AP1S3: variants seen among roughly 807,000 people sequenced by gnomAD.
AP1S3 encodes the protein AP-1 complex subunit sigma-3.
Under a neutral mutation model 20.9 loss-of-function variants are expected in AP1S3, and 10 were observed. The observed-to-expected ratio is 0.48, with a 90% CI of 0.29 to 0.81. The LOEUF (loss-of-function observed/expected upper bound fraction) is 0.81, where lower values mean the gene tolerates loss of function less well. Among genes scored for constraint, AP1S3 ranks in the 30% least tolerant of loss-of-function variants. The pLI is 0.08. For missense variants in AP1S3, 154 were observed against 183.8 expected (o/e 0.84, Z 0.94); for synonymous variants, 41 against 61.5 (o/e 0.67, Z 1.56).
chr2:223,772,008 G>A (rs1329947963), intron 3 of AP1S3, among the ~76,000 whole-genome samples: 1 of 152,206 alleles, frequency 6.6e-6, no homozygotes, highest in African/African-American at 2.4e-5. Context: ...TAGGGAGGCT[G>A]AGGTAGGAGA....
chr2:223,828,058 T>TAAAAAAAAAAAAAAAAAAAAAA (rs527671959), intron 1 of AP1S3, among the ~76,000 whole-genome samples: 7 of 94,666 alleles, frequency 7.4e-5, no homozygotes, highest in South Asian at 3.3e-4. Context: ...AGACTTCATC[T>TAAAAAAAAAAAAAAAAAAAAAA]AAAAAAAAAA....
At chr2:223,764,704 C>T (rs1467341752) in intron 4 of AP1S3, among the ~76,000 whole-genome samples, 1 of 152,176 alleles carries the variant, frequency 6.6e-6, no homozygotes, top group African/African-American at 2.4e-5. Context: ...GCTTTAATAT[C>T]TCTGGCAAAC....
chr2:223,765,163 C>G (rs1225714119), intron 4 of AP1S3, 50 bp downstream of exon 4: 1 of 1,601,888 alleles, frequency 6.2e-7, no homozygotes, highest in Non-Finnish European at 8.5e-7. Flanking sequence ...TTAACACCAT[C>G]ATCATCATCA....
Position 223,795,106 on chromosome 2 carries a change from G to A in AP1S3, c.4-17237C>T, listed in dbSNP as rs748698939. ...CTCTACTACAAATACAAAATTAGCC[G>A]GGCGTGGTGGCACATGCCTGTAATC... On this transcript the variant is annotated intron_variant, in intron 1 of 4. Transcript: ENST00000396654. 3.7e-4 allele frequency among the ~76,000 whole-genome samples: 57 copies of A among 152,224 alleles called. No homozygotes were observed. In the Middle Eastern group the frequency reaches 0.014, roughly 36 times the overall value.
intron 1 of AP1S3, among the ~76,000 whole-genome samples, chr2:223,816,772 T>A (rs1191565589): frequency 6.6e-6 from 1 of 151,966 alleles, no homozygotes; most frequent in Non-Finnish European, 1.5e-5. Flanking sequence ...AACACCAGAG[T>A]CAACATACTA....
intron 1 of AP1S3, among the ~76,000 whole-genome samples, chr2:223,801,582 T>C (rs922815371): frequency 6.6e-6 from 1 of 152,116 alleles, no homozygotes; most frequent in Non-Finnish European, 1.5e-5. Flanking sequence ...GTAGCTGGGA[T>C]TACAGGCACC....
At chr2:223,787,825 C>T (rs993351741) in intron 1 of AP1S3, among the ~76,000 whole-genome samples, 19 of 152,210 alleles carry the variant, frequency 1.2e-4, no homozygotes, top group African/African-American at 4.3e-4. Context: ...AATTTAGGAA[C>T]TCCATGCAGT....
chr2:223,770,530 A>ACACACC (rs529875245), intron 3 of AP1S3, among the ~76,000 whole-genome samples: 2 of 149,050 alleles, frequency 1.3e-5, no homozygotes, highest in Non-Finnish European at 3.0e-5. Context: ...ACACACACAC[A>ACACACC]CCCCTTGATA....
intron 3 of AP1S3, among the ~76,000 whole-genome samples, chr2:223,766,116 C>G (rs982979947): frequency 7.9e-5 from 12 of 152,146 alleles, no homozygotes; most frequent in African/African-American, 2.9e-4. Flanking sequence ...TTACTCCCTA[C>G]TTATTCCTCT....
chr2:223,835,576 A>C (rs1312220326), intron 1 of AP1S3, among the ~76,000 whole-genome samples: 1 of 151,832 alleles, frequency 6.6e-6, no homozygotes, highest in African/African-American at 2.4e-5. Flanking sequence ...AATTGCTTGA[A>C]CTCGGGAGAT....
chr2:223,834,259 C>T (rs185706179), intron 1 of AP1S3, among the ~76,000 whole-genome samples: 2 of 152,040 alleles, frequency 1.3e-5, no homozygotes, highest in African/African-American at 4.8e-5. Context: ...TAAAATAATA[C>T]GACTTGGGCA....
At chr2:223,818,366 G>A (rs1281905216) in intron 1 of AP1S3, among the ~76,000 whole-genome samples, 1 of 151,264 alleles carries the variant, frequency 6.6e-6, no homozygotes, top group African/African-American at 2.4e-5. Flanking sequence ...GCAGTGAGCC[G>A]AGATCGAGCC....
At chr2:223,770,726 C>CTTTTTTT (rs1194728092) in intron 3 of AP1S3, among the ~76,000 whole-genome samples, 1 of 76,624 alleles carries the variant, frequency 1.3e-5, no homozygotes, top group Non-Finnish European at 2.1e-5. Flanking sequence ...TAGACCAGTT[C>CTTTTTTT]ATTTTTTTTT....
Position 223,756,824 on chromosome 2 carries a change from C to A in AP1S3, c.*1891G>T. The A allele has an allele frequency of 6.1e-6, 6 of 985,306 alleles. No homozygotes were observed. Among genetic ancestry groups the A allele is most frequent in the Non-Finnish European group, 7.2e-6 (6 of 829,916 alleles). The allele number at this position is 985,306 out of a possible 1,614,324, so 61.0% of individuals were successfully genotyped here. A position where few individuals can be genotyped will look rare whatever the true frequency, so the allele number is the denominator to read the frequency against. On this transcript the variant is annotated 3_prime_UTR_variant, in exon 5 of 5. Coordinates refer to ENST00000396654, the MANE Select transcript of AP1S3 (RefSeq NM_001039569.2). ...TCTCTAAAAATCTACCAGATGGGAT[C>A]TCCTAAAGAATCCAACAGGAAACAC...
chr2:223,785,264 C>T (rs560053220), intron 1 of AP1S3, among the ~76,000 whole-genome samples: 2 of 152,206 alleles, frequency 1.3e-5, no homozygotes, highest in South Asian at 4.1e-4. Context: ...ATTGCTTGAA[C>T]CCAGGAGGTG....
intron 1 of AP1S3, among the ~76,000 whole-genome samples, chr2:223,812,631 G>T (rs1330057803): frequency 6.6e-6 from 1 of 152,102 alleles, no homozygotes; most frequent in Non-Finnish European, 1.5e-5. Flanking sequence ...TCTAAACACG[G>T]AAACTTTAGT....
At chr2:223,836,871 T>G (rs1362510452) in intron 1 of AP1S3, among the ~76,000 whole-genome samples, 1 of 152,142 alleles carries the variant, frequency 6.6e-6, no homozygotes, top group Middle Eastern at 3.2e-3. Context: ...CCACCTCTCC[T>G]GCCACAAACA....
At chr2:223,833,260 A>G (rs1407947395) in intron 1 of AP1S3, among the ~76,000 whole-genome samples, 1 of 152,066 alleles carries the variant, frequency 6.6e-6, no homozygotes, top group Non-Finnish European at 1.5e-5. Context: ...ATACATACAT[A>G]CATACATACA....
Position 223,837,487 on chromosome 2 carries a change from A to T in AP1S3, c.-37T>A. On this transcript the variant is annotated 5_prime_UTR_variant, in exon 1 of 5. It adds an upstream start codon to the 5' untranslated region. Coordinates refer to ENST00000396654, the MANE Select transcript of AP1S3 (RefSeq NM_001039569.2). ...CGCCGCCTCCCCCGCCTTGCGAGCA[A>T]GGAGCGCTGGAGAAGCGAGGGCGAG... The T allele has an allele frequency of 7.8e-7, 1 of 1,276,336 alleles. No homozygotes were observed. The highest frequency in any genetic ancestry group is 9.9e-7 in the Non-Finnish European group (1 of 1,008,124). 79.1% of individuals were successfully genotyped at this position (1,276,336 alleles called of 1,614,324 possible). A position where few individuals can be genotyped will look rare whatever the true frequency, so the allele number is the denominator to read the frequency against.
Sources: gnomAD v4.1 joint callset for allele counts (sites outside exome capture counted in the v4.1 genomes callset) on GRCh38, gnomAD v4.1.1 for gene constraint, MANE v1.5 for transcripts, NCBI Gene and HGNC (gene_info 2026-07-23, HGNC 2026-07-21) for gene names.